The following ZNF555 variants were observed in gnomAD, a reference collection of about 807,000 sequenced individuals.
ZNF555 encodes zinc finger protein 555.
ZNF555 carries 10 observed loss-of-function variants against 14.0 expected under a neutral mutation model. That is an observed-to-expected ratio of 0.72 (90% CI 0.44 to 1.21). The LOEUF (loss-of-function observed/expected upper bound fraction) is 1.21. Among genes scored for constraint, ZNF555 ranks in the 50% most tolerant of loss-of-function variants. ZNF555 has a pLI of 0.00. For missense variants in ZNF555, 747 were observed against 762.0 expected, an observed-to-expected ratio of 0.98 and a Z score of 0.23; for synonymous variants, 277 against 262.4, an observed-to-expected ratio of 1.06 and a Z score of -0.54.
At position 2,850,712 on chromosome 19, in the gene ZNF555, A is replaced by G. The variant is rs745780625; in HGVS notation, c.129A>G (p.Val43=). The G allele has an allele frequency of 1.1e-5, 17 of 1,613,346 alleles. No homozygotes were observed. The highest frequency in any genetic ancestry group is 1.4e-5 in the Non-Finnish European group (16 of 1,179,560). ...AGACCTTTCAGAACCTGGCCTCAGT[A>G]GGTAAGGATGACATCATTCCTTCCT... ...MLETFQNLAS[V]DDETQFKASG... Residue 43 remains valine (V), a splice_region_variant and synonymous_variant, in exon 2 of 4, where the codon GTA becomes GTG. Transcript: ENST00000334241.
chr19:2,842,162 C>T (rs1303009464), intron 1 of ZNF555, among the ~76,000 whole-genome samples: 2 of 152,114 alleles, frequency 1.3e-5, no homozygotes, highest in African/African-American at 4.8e-5. Flanking sequence ...AGCGGTGGGG[C>T]CTCGGCGGGG....
At position 2,852,822 on chromosome 19, in the gene ZNF555, G is replaced by T; in HGVS notation, c.757G>T (p.Glu253Ter). The change falls in exon 4 of 4, where the codon GAG becomes TAG. Residue 253 changes from glutamate (E) to a stop codon, truncating the protein, a stop_gained. Transcript: ENST00000334241. LOFTEE classifies it low-confidence loss of function (END_TRUNC). ...LTSHLRSHTG[E>*]KPYKCKECGK... is the part of the protein sequence containing the mutation. Reference sequence around the variant, plus strand: ...TAGTCATCTCAGAAGTCACACCGGAGAGAAGCCATATAAGTGTAAGGAATG... The same window carrying T: ...TAGTCATCTCAGAAGTCACACCGGATAGAAGCCATATAAGTGTAAGGAATG... 3 of 1,614,186 alleles carry T rather than the reference G, an allele frequency of 1.9e-6. No homozygotes were observed. Among genetic ancestry groups the T allele is most frequent in the Non-Finnish European group, 1.7e-6 (2 of 1,180,042 alleles).
Position 2,850,719 on chromosome 19 carries a change from G to C in ZNF555, c.130+6G>C, listed in dbSNP as rs1568343542. On this transcript the variant is annotated splice_donor_region_variant and intron_variant, in intron 2 of 3. Coordinates refer to ENST00000334241, the MANE Select transcript of ZNF555 (RefSeq NM_152791.5). ...TCAGAACCTGGCCTCAGTAGGTAAGGATGACATCATTCCTTCCTTCACGTA... is the reference window on the plus strand; with the variant it reads ...TCAGAACCTGGCCTCAGTAGGTAAGCATGACATCATTCCTTCCTTCACGTA... 1 of 1,613,172 alleles carries C rather than the reference G, an allele frequency of 6.2e-7. No homozygotes were observed. Among genetic ancestry groups the C allele is most frequent in the Non-Finnish European group, 8.5e-7 (1 of 1,179,374 alleles).
At chr19:2,844,835 A>C (rs1191484255) in intron 1 of ZNF555, among the ~76,000 whole-genome samples, 1 of 152,186 alleles carries the variant, frequency 6.6e-6, no homozygotes, top group African/African-American at 2.4e-5. Context: ...TGTCTCTACC[A>C]CAGAATTATT....
rs192251617 is a variant in ZNF555 at position 2,854,161 on chromosome 19, G to A, written c.*209G>A. 649 of 573,884 alleles carry A rather than the reference G, an allele frequency of 1.1e-3. 1 individual carries two copies. Among genetic ancestry groups the A allele is most frequent in the Admixed American group, 4.1e-3 (112 of 27,610 alleles). The allele number at this position is 573,884 out of a possible 1,614,324, so 35.5% of individuals were successfully genotyped here. ...GAAGTGTATTTTTAATATGCAAGTA[G>A]GTTCAAGTTTTATTTAATTTCTTAA... On this transcript the variant is annotated 3_prime_UTR_variant, in exon 4 of 4. Coordinates refer to ENST00000334241, the MANE Select transcript of ZNF555 (RefSeq NM_152791.5).
chr19:2,858,849 C>T lies in ZNF555; in HGVS notation c.*4897C>T, dbSNP rs2087706027. ...CAGTGATGGGGTGATGGGGTTTCAC[C>T]TATAAGCGGGCAAACAGGCACTCCT... On this transcript the variant is annotated 3_prime_UTR_variant, in exon 4 of 4. Coordinates refer to ENST00000334241, the MANE Select transcript of ZNF555 (RefSeq NM_152791.5). The T allele has an allele frequency of 6.6e-6, 1 of 152,302 alleles. No individual in the cohort carries two copies. Among genetic ancestry groups the T allele is most frequent in the African/African-American group, 2.4e-5 (1 of 41,460 alleles). 9.4% of individuals were successfully genotyped at this position (152,302 alleles called of 1,614,324 possible).
chr19:2,848,144 T>G (rs995477066), intron 1 of ZNF555, among the ~76,000 whole-genome samples: 1 of 148,258 alleles, frequency 6.7e-6, no homozygotes, highest in African/African-American at 2.4e-5. Flanking sequence ...ACGCTGCTCT[T>G]TGTTTTCTTT....
In ZNF555 at chr19:2,853,164, C is replaced by A; in HGVS notation, c.1099C>A (p.Pro367Thr). 1 of 1,614,144 alleles carries A rather than the reference C, an allele frequency of 6.2e-7. No individual in the cohort carries two copies. Among genetic ancestry groups the A allele is most frequent in the African/African-American group, 1.3e-5 (1 of 75,016 alleles). ...TGAAAGGATTCACACTGGAGAGAAA[C>A]CCTACGAATGCAAACAGTGTGGGAA... ...RHERIHTGEK[P>T]YECKQCGKTF... The change falls in exon 4 of 4, where the codon CCC (proline) becomes ACC (threonine). Residue 367 changes from proline (P) to threonine (T), a missense_variant. Coordinates refer to ENST00000334241, the MANE Select transcript of ZNF555 (RefSeq NM_152791.5).
Position 2,853,271 on chromosome 19 carries a change from G to C in ZNF555, c.1206G>C (p.Gly402=). 1 of 1,614,150 alleles carries C rather than the reference G, an allele frequency of 6.2e-7. No homozygotes were observed. Among genetic ancestry groups the C allele is most frequent in the Non-Finnish European group, 8.5e-7 (1 of 1,180,020 alleles). The change falls in exon 4 of 4, where the codon GGG becomes GGC. Residue 402 remains glycine (G), a synonymous_variant. Coordinates refer to ENST00000334241, the MANE Select transcript of ZNF555 (RefSeq NM_152791.5). ...AACCCTATGAATGCAACCAGTGCGG[G>C]AAAGCATTCAGTCACCCCTCCTCCT... The part of the protein sequence containing the change: ...GEKPYECNQC[G]KAFSHPSSFR...
In ZNF555 at chr19:2,856,899, T is replaced by C. The variant is rs1269214098; in HGVS notation, c.*2947T>C. ...ATATGGGGGAGAAGAGGGGAATGTTTGATGGTTTTTGTGGTTTAGAGGTGA... is the reference window on the plus strand; with the variant it reads ...ATATGGGGGAGAAGAGGGGAATGTTCGATGGTTTTTGTGGTTTAGAGGTGA... On this transcript the variant is annotated 3_prime_UTR_variant, in exon 4 of 4. Coordinates refer to ENST00000334241, the MANE Select transcript of ZNF555 (RefSeq NM_152791.5). The C allele has an allele frequency of 6.6e-6, 1 of 152,204 alleles. No homozygotes were observed. The highest frequency in any genetic ancestry group is 1.9e-4 in the East Asian group (1 of 5,206). 9.4% of individuals were successfully genotyped at this position (152,204 alleles called of 1,614,324 possible).
chr19:2,848,203 G>A (rs991765995), intron 1 of ZNF555, among the ~76,000 whole-genome samples: 16 of 151,320 alleles, frequency 1.1e-4, no homozygotes, highest in African/African-American at 3.9e-4. Context: ...CCAGGCTGGA[G>A]TGCAGTGGCG....
rs1286711141 is a variant in ZNF555 at position 2,855,965 on chromosome 19, A to G, written c.*2013A>G. On this transcript the variant is annotated 3_prime_UTR_variant, in exon 4 of 4. Coordinates refer to ENST00000334241, the MANE Select transcript of ZNF555 (RefSeq NM_152791.5). ...ATTGGCAACAGCTCTCTTTTCGCATACTGAGGCACCGCGAATTAAGATTTC... is the reference window on the plus strand; with the variant it reads ...ATTGGCAACAGCTCTCTTTTCGCATGCTGAGGCACCGCGAATTAAGATTTC... The G allele has an allele frequency of 2.0e-5, 3 of 152,176 alleles. No homozygotes were observed. Among genetic ancestry groups the G allele is most frequent in the Non-Finnish European group, 4.4e-5 (3 of 68,040 alleles). The allele number at this position is 152,176 out of a possible 1,614,324, so 9.4% of individuals were successfully genotyped here.
Position 2,841,508 on chromosome 19 carries a change from G to A in ZNF555, c.-65G>A. ...CGTGAGTGCCCCGCCTGCCCCTAGC[G>A]GTCCCTGGCGTCCCGGTTCCTGTCG... On this transcript the variant is annotated 5_prime_UTR_variant, in exon 1 of 4. Transcript: ENST00000334241. 7 of 1,544,478 alleles carry A rather than the reference G, an allele frequency of 4.5e-6. No individual in the cohort carries two copies. The highest frequency in any genetic ancestry group is 3.5e-6 in the Non-Finnish European group (4 of 1,144,026).
At chr19:2,848,650 G>T (rs1183968797) in intron 1 of ZNF555, among the ~76,000 whole-genome samples, 1 of 152,012 alleles carries the variant, frequency 6.6e-6, no homozygotes, top group Non-Finnish European at 1.5e-5. Context: ...GTTTCACCAT[G>T]TTGGCCAGGC....
At position 2,854,145 on chromosome 19, in the gene ZNF555, T is replaced by A. The variant is rs1599567937; in HGVS notation, c.*193T>A. 5 of 638,866 alleles carry A rather than the reference T, an allele frequency of 7.8e-6. 1 individual carries two copies. The East Asian group carries it at 1.5e-4, about 19-fold the overall frequency. 39.6% of individuals were successfully genotyped at this position (638,866 alleles called of 1,614,324 possible). A position where few individuals can be genotyped will look rare whatever the true frequency, so the allele number is the denominator to read the frequency against. On this transcript the variant is annotated 3_prime_UTR_variant, in exon 4 of 4. Coordinates refer to ENST00000334241, the MANE Select transcript of ZNF555 (RefSeq NM_152791.5). ...GACTCATGGATGATTTGAAGTGTATTTTTAATATGCAAGTAGGTTCAAGTT... is the reference window on the plus strand; with the variant it reads ...GACTCATGGATGATTTGAAGTGTATATTTAATATGCAAGTAGGTTCAAGTT...
At position 2,857,378 on chromosome 19, in the gene ZNF555, G is replaced by C. The variant is rs1334853847; in HGVS notation, c.*3426G>C. The C allele has an allele frequency of 6.6e-6, 1 of 152,138 alleles. No homozygotes were observed. The highest frequency in any genetic ancestry group is 1.5e-5 in the Non-Finnish European group (1 of 68,038). The allele number at this position is 152,138 out of a possible 1,614,324, so 9.4% of individuals were successfully genotyped here. On this transcript the variant is annotated 3_prime_UTR_variant, in exon 4 of 4. Coordinates refer to ENST00000334241, the MANE Select transcript of ZNF555 (RefSeq NM_152791.5). The stretch of plus-strand genomic sequence containing the variant: ...CTTAACCTATATTGGGCATTGTCAA[G>C]ACTTAAATTTAGAACACTGGAAAGC...
rs1362535020 is a variant in ZNF555 at position 2,858,359 on chromosome 19, G to A, written c.*4407G>A. ...CGCACATAACAGGAGAGAAGAAGGA[G>A]GTCTTCCAGAATCTGTCTTTGAGTT... On this transcript the variant is annotated 3_prime_UTR_variant, in exon 4 of 4. Transcript: ENST00000334241. 3 of 152,118 alleles carry A rather than the reference G, an allele frequency of 2.0e-5. No homozygotes were observed. The highest frequency in any genetic ancestry group is 4.4e-5 in the Non-Finnish European group (3 of 68,048). The allele number at this position is 152,118 out of a possible 1,614,324, so 9.4% of individuals were successfully genotyped here.
In ZNF555 at chr19:2,854,872, A is replaced by G. The variant is rs2087670781; in HGVS notation, c.*920A>G. The stretch of plus-strand genomic sequence containing the variant: ...CAAAACCCTGCATGACCTCTTGACC[A>G]CTGATTCAGACTGTCTTGTTTGGCA... On this transcript the variant is annotated 3_prime_UTR_variant, in exon 4 of 4. Transcript: ENST00000334241. 6.6e-6 allele frequency: 1 copy of G among 152,162 alleles called. No homozygotes were observed. The highest frequency in any genetic ancestry group is 2.1e-4 in the South Asian group (1 of 4,828). 9.4% of individuals were successfully genotyped at this position (152,162 alleles called of 1,614,324 possible). A position where few individuals can be genotyped will look rare whatever the true frequency, so the allele number is the denominator to read the frequency against.
rs1468116450 is a variant in ZNF555 at position 2,853,770 on chromosome 19, T to C, written c.1705T>C (p.Cys569Arg). The C allele has an allele frequency of 6.2e-7, 1 of 1,609,278 alleles. No individual in the cohort carries two copies. Among genetic ancestry groups the C allele is most frequent in the Non-Finnish European group, 8.5e-7 (1 of 1,177,400 alleles). The change falls in exon 4 of 4, where the codon TGT (cysteine) becomes CGT (arginine). Residue 569 changes from cysteine to arginine, a missense_variant. Transcript: ENST00000334241. ...AGAGAAACCTTATCAATGTAAGCAT[T>C]GTGGGAAAGCATTCAATTGTTCCTC... ...TGEKPYQCKHCGKAFNCSSSL... is the reference protein window; with the variant it reads ...TGEKPYQCKHRGKAFNCSSSL...
Sources: allele counts gnomAD v4.1 joint callset (sites outside exome capture counted in the v4.1 genomes callset), GRCh38; gene constraint gnomAD v4.1.1; transcripts MANE v1.5; gene names NCBI Gene and HGNC (gene_info 2026-07-23, HGNC 2026-07-21).